Variants in RPGRIP1 observed in about 807,000 individuals in gnomAD.
The protein encoded by RPGRIP1 is X-linked retinitis pigmentosa GTPase regulator-interacting protein 1.
A neutral mutation model predicts 157.9 loss-of-function variants in RPGRIP1; 128 were observed. The ratio of observed to expected loss-of-function variants is 0.81; its 90% CI spans 0.70 to 0.94. The LOEUF (loss-of-function observed/expected upper bound fraction) is 0.94. Ranked by LOEUF, RPGRIP1 falls within the 40% of genes least tolerant of loss-of-function variation. RPGRIP1 has a pLI of 0.00. For synonymous variants in RPGRIP1, 554 were observed against 571.6 expected, an observed-to-expected ratio of 0.97 and a Z score of 0.44; for missense variants, 1,486 against 1,545.8, an observed-to-expected ratio of 0.96 and a Z score of 0.65.
chr14:21,303,997 AAAAAG>A lies in RPGRIP1; in HGVS notation c.800+473_800+477del, dbSNP rs1555365516. Among the ~76,000 whole-genome samples the A allele has an allele frequency of 3.5e-3, 509 of 145,768 alleles. 2 individuals are homozygous for A. Among genetic ancestry groups the A allele is most frequent in the African/African-American group, 0.012 (476 of 39,122 alleles). ...GAACAAAACTTGGTCTCAAAAAAAA[AAAAAG>A]AAAAGAAAAGAAAAGAAATGAATTA... On this transcript the variant is annotated intron_variant, in intron 6 of 24. Coordinates refer to ENST00000400017, the MANE Select transcript of RPGRIP1 (RefSeq NM_020366.4).
chr14:21,333,473 A>G (rs1883998862), intron 20 of RPGRIP1, among the ~76,000 whole-genome samples: 1 of 152,130 alleles, frequency 6.6e-6, no homozygotes, highest in African/African-American at 2.4e-5. Flanking sequence ...GTAACAATCT[A>G]CTCCAAAACT....
In RPGRIP1 at chr14:21,343,231, G is replaced by T; in HGVS notation, c.3532+3G>T. The T allele has an allele frequency of 6.2e-7, 1 of 1,610,710 alleles. No homozygotes were observed. The highest frequency in any genetic ancestry group is 2.2e-5 in the East Asian group (1 of 44,824). ...AATCCACTTTCACTTTAGCAAGGGT[G>T]AGGCATCCTGTGTGGTTACTGGGGT... On this transcript the variant is annotated splice_donor_region_variant and intron_variant, in intron 22 of 24. Coordinates refer to ENST00000400017, the MANE Select transcript of RPGRIP1 (RefSeq NM_020366.4).
intron 8 of RPGRIP1, among the ~76,000 whole-genome samples, chr14:21,311,323 G>A (rs780690341): frequency 3.9e-5 from 6 of 152,124 alleles, no homozygotes; most frequent in African/African-American, 1.4e-4. Flanking sequence ...AGGCGGAGGC[G>A]GGTGGATGAC....
At chr14:21,284,826 A>G (rs1329791651) in intron 1 of RPGRIP1, among the ~76,000 whole-genome samples, 2 of 152,162 alleles carry the variant, frequency 1.3e-5, no homozygotes, top group Admixed American at 1.3e-4. Flanking sequence ...TACTGCGAAT[A>G]CAGGCGTGAA....
At chr14:21,288,812 C>T (rs1019098168) in intron 2 of RPGRIP1, among the ~76,000 whole-genome samples, 1 of 152,092 alleles carries the variant, frequency 6.6e-6, no homozygotes, top group Non-Finnish European at 1.5e-5. Flanking sequence ...CGTGCCCAGA[C>T]TTAGTCTTAA....
At chr14:21,325,190 A>G in intron 15 of RPGRIP1, 42 bp from the exon 16 acceptor site, 2 of 1,566,448 alleles carry the variant, frequency 1.3e-6, no homozygotes, top group South Asian at 1.2e-5. Flanking sequence ...TCCTTGCCAC[A>G]CCATCTGTAT....
Position 21,328,444 on chromosome 14 carries a change from G to A in RPGRIP1, c.2916G>A (p.Glu972=), listed in dbSNP as rs1233085262. ...FPSQDQMASP[E]VPIEAGQYRS... is the part of the protein sequence containing the mutation. The stretch of plus-strand genomic sequence containing the variant: ...TTCAGGATCAGATGGCATCTCCTGA[G>A]GTTCCCATTGAAGCTGGCCAGTATC... Residue 972 remains glutamate, a synonymous_variant, in exon 19 of 25, where the codon GAG becomes GAA. Transcript: ENST00000400017. 4 of 1,613,102 alleles carry A rather than the reference G, an allele frequency of 2.5e-6. No homozygotes were observed. The highest frequency in any genetic ancestry group is 3.4e-6 in the Non-Finnish European group (4 of 1,179,586).
At chr14:21,308,485 TA>T (rs1415461100) in intron 7 of RPGRIP1, among the ~76,000 whole-genome samples, 1 of 151,982 alleles carries the variant, frequency 6.6e-6, no homozygotes, top group Non-Finnish European at 1.5e-5. Context: ...AGAAAACAAG[TA>T]AACAAATTCA....
chr14:21,281,708 AAT>A (rs1566663250), intron 1 of RPGRIP1, among the ~76,000 whole-genome samples: 13 of 137,782 alleles, frequency 9.4e-5, no homozygotes, highest in Non-Finnish European at 1.8e-4. Context: ...AAAAATAAAT[AAT>A]AATAATAATA....
At chr14:21,335,059 AAAAAAAAAAAAAGC>A (rs1884196084) in intron 21 of RPGRIP1, among the ~76,000 whole-genome samples, 1 of 151,398 alleles carries the variant, frequency 6.6e-6, no homozygotes, top group South Asian at 2.1e-4. Context: ...AAAAAAAAAA[AAAAAAAAAAAAAGC>A]AATAATGACA....
At chr14:21,349,293 C>T (rs147794717) in intron 24 of RPGRIP1, among the ~76,000 whole-genome samples, 1,962 of 151,702 alleles carry the variant, frequency 0.013, 42 homozygotes, top group African/African-American at 0.046. Context: ...TGGTCTCGAA[C>T]TCTTGGACTC....
At chr14:21,338,747 T>A (rs1331151981) in intron 21 of RPGRIP1, among the ~76,000 whole-genome samples, 1 of 152,258 alleles carries the variant, frequency 6.6e-6, no homozygotes, top group Non-Finnish European at 1.5e-5. Context: ...CAAATTTTAA[T>A]CTTATTCATC....
intron 21 of RPGRIP1, among the ~76,000 whole-genome samples, chr14:21,335,321 G>T (rs139883651): frequency 7.2e-5 from 11 of 152,152 alleles, no homozygotes; most frequent in African/African-American, 2.6e-4. Flanking sequence ...TTCATGCCCA[G>T]CCTGAATGGT....
At chr14:21,311,244 G>A (rs960708505) in intron 8 of RPGRIP1, among the ~76,000 whole-genome samples, 4 of 152,196 alleles carry the variant, frequency 2.6e-5, no homozygotes, top group African/African-American at 9.6e-5. Context: ...GGATTAATTT[G>A]AACCTTGAGA....
Position 21,294,671 on chromosome 14 carries a change from C to T in RPGRIP1, c.86-6C>T. On this transcript the variant is annotated splice_polypyrimidine_tract_variant and splice_region_variant and intron_variant, in intron 2 of 24. Transcript: ENST00000400017. ...ACTGTCCATTTACTGTTTTCTGGGA[C>T]TTTAGGTAAGAATATGAAAACTCAA... 6.2e-7 allele frequency: 1 copy of T among 1,612,356 alleles called. No individual in the cohort carries two copies. Among genetic ancestry groups the T allele is most frequent in the Non-Finnish European group, 8.5e-7 (1 of 1,179,222 alleles).
intron 22 of RPGRIP1, 49 bp from the exon 23 acceptor site, chr14:21,345,064 A>G (rs1251506936): frequency 1.6e-6 from 2 of 1,222,852 alleles, no homozygotes; most frequent in Admixed American, 1.7e-5. Context: ...TGGGGCTCAC[A>G]CTGCAACAGT....
At chr14:21,291,800 G>T (rs984314222) in intron 2 of RPGRIP1, among the ~76,000 whole-genome samples, 4 of 151,736 alleles carry the variant, frequency 2.6e-5, no homozygotes, top group Non-Finnish European at 4.4e-5. Flanking sequence ...CGCTTTTGTT[G>T]CCCAGGCTGG....
intron 24 of RPGRIP1, among the ~76,000 whole-genome samples, chr14:21,349,545 G>C (rs1466545822): frequency 6.6e-6 from 1 of 151,648 alleles, no homozygotes; most frequent in African/African-American, 2.4e-5. Context: ...TGGGATTACA[G>C]GCATGAACCA....
intron 21 of RPGRIP1, among the ~76,000 whole-genome samples, chr14:21,342,743 TC>T (rs1234879743): frequency 2.0e-5 from 3 of 152,060 alleles, no homozygotes; most frequent in Admixed American, 6.6e-5. Flanking sequence ...TTTTATTCTT[TC>T]TATATGTGGA....
Sources: allele counts gnomAD v4.1 joint callset (sites outside exome capture counted in the v4.1 genomes callset), GRCh38; gene constraint gnomAD v4.1.1; transcripts MANE v1.5; gene names NCBI Gene and HGNC (gene_info 2026-07-23, HGNC 2026-07-21).